Variants in PIK3C2A observed in about 807,000 individuals in gnomAD.
PIK3C2A encodes the protein phosphatidylinositol 4-phosphate 3-kinase C2 domain-containing subunit alpha.
A neutral mutation model predicts 204.5 loss-of-function variants in PIK3C2A; 97 were observed. That is an observed-to-expected ratio of 0.47 (90% CI 0.40 to 0.56). PIK3C2A has a LOEUF of 0.56. Among genes scored for constraint, PIK3C2A ranks in the 20% least tolerant of loss-of-function variants. The pLI is 0.00. For missense variants in PIK3C2A, 1,735 were observed against 1,969.2 expected, an observed-to-expected ratio of 0.88 and a Z score of 2.25; for synonymous variants, 653 against 664.4, an observed-to-expected ratio of 0.98 and a Z score of 0.26.
intron 27 of PIK3C2A, among the ~76,000 whole-genome samples, chr11:17,094,643 G>A (rs1848401861): frequency 6.6e-6 from 1 of 152,068 alleles, no homozygotes; most frequent in African/African-American, 2.4e-5. Flanking sequence ...CAAATCACTT[G>A]AACCTGGGAG....
At position 17,199,563 on chromosome 11, in the gene PIK3C2A, G is replaced by A. The variant is rs556213498; in HGVS notation, c.-66+8285C>T. ...CATGTATGAACCTTGAAAACATTAC[G>A]CTAAGTGACATAAGTCAGACACAAA... is the stretch of plus-strand genomic sequence containing the variant. On this transcript the variant is annotated intron_variant, in intron 1 of 32. Transcript: ENST00000691414. Among the ~76,000 whole-genome samples, 4 of 152,252 alleles carry A rather than the reference G, an allele frequency of 2.6e-5. No individual in the cohort carries two copies. In the South Asian group the frequency reaches 6.2e-4, roughly 24 times the overall value.
At chr11:17,105,400 T>C (rs1318838173) in intron 22 of PIK3C2A, 95 bp from the exon 23 acceptor site, 34 of 1,094,654 alleles carry the variant, frequency 3.1e-5, no homozygotes, top group Non-Finnish European at 4.1e-5. Context: ...AAATTTCACT[T>C]TAAGTTCTGG....
At chr11:17,110,145 G>A (rs1208240151) in intron 22 of PIK3C2A, among the ~76,000 whole-genome samples, 1 of 151,984 alleles carries the variant, frequency 6.6e-6, no homozygotes, top group East Asian at 1.9e-4. Context: ...TAGAAACAGG[G>A]TTTCACCATG....
intron 12 of PIK3C2A, among the ~76,000 whole-genome samples, chr11:17,130,573 G>C (rs564022195): frequency 1.2e-4 from 19 of 152,214 alleles, no homozygotes; most frequent in South Asian, 4.1e-4. Flanking sequence ...GGGAGGCCAA[G>C]GTGGGCGGAT....
At chr11:17,148,846 T>C in intron 4 of PIK3C2A, 59 bp from the exon 5 acceptor site, 1 of 1,389,924 alleles carries the variant, frequency 7.2e-7, no homozygotes, top group Non-Finnish European at 1.0e-6. Flanking sequence ...CAAGACTGTA[T>C]TACTTATAAT....
intron 2 of PIK3C2A, among the ~76,000 whole-genome samples, chr11:17,161,297 A>C (rs535963021): frequency 5.3e-4 from 80 of 152,350 alleles, no homozygotes; most frequent in African/African-American, 1.8e-3. Context: ...TTCCCAAAGA[A>C]ACTTATATTT....
chr11:17,173,145 C>A (rs540709904), intron 1 of PIK3C2A, among the ~76,000 whole-genome samples: 1 of 152,222 alleles, frequency 6.6e-6, no homozygotes, highest in East Asian at 1.9e-4. Flanking sequence ...GCTTTCTCTT[C>A]TTCACTTCTG....
chr11:17,100,254 G>T (rs374587095), intron 25 of PIK3C2A, among the ~76,000 whole-genome samples: 2 of 120,624 alleles, frequency 1.7e-5, no homozygotes, highest in East Asian at 2.9e-4. Context: ...GGGGGCGGGG[G>T]GGGGGGGCAG....
intron 2 of PIK3C2A, among the ~76,000 whole-genome samples, chr11:17,167,025 C>T (rs1019523193): frequency 9.9e-5 from 15 of 151,992 alleles, no homozygotes; most frequent in African/African-American, 3.6e-4. Flanking sequence ...GGCTGGAGTA[C>T]AGTGGTACAA....
intron 1 of PIK3C2A, 97 bp from the exon 2 acceptor site, chr11:17,169,903 TTAGAAAAA>T: frequency 3.5e-6 from 2 of 574,536 alleles, no homozygotes; most frequent in South Asian, 5.0e-5. Context: ...TTTAAGCCAC[TTAGAAAAA>T]TATACTACAA....
chr11:17,174,123 G>A (rs1565291592), intron 1 of PIK3C2A, among the ~76,000 whole-genome samples: 3 of 152,012 alleles, frequency 2.0e-5, no homozygotes, highest in Admixed American at 1.3e-4. Flanking sequence ...ACCTCACCTG[G>A]CTGAACATGT....
chr11:17,136,397 A>C, intron 9 of PIK3C2A, 85 bp downstream of exon 9: 1 of 1,000,494 alleles, frequency 1.0e-6, no homozygotes, highest in Non-Finnish European at 1.5e-6. Context: ...TTAAAATGAC[A>C]ATATTTTGTC....
chr11:17,113,730 C>A (rs1250964785), intron 20 of PIK3C2A, among the ~76,000 whole-genome samples: 2 of 145,216 alleles, frequency 1.4e-5, no homozygotes, highest in African/African-American at 5.2e-5. Context: ...CGCAATGAGC[C>A]GAGATTGCAC....
intron 2 of PIK3C2A, among the ~76,000 whole-genome samples, chr11:17,167,311 CA>C (rs1003384598): frequency 7.9e-5 from 12 of 152,024 alleles, no homozygotes; most frequent in Non-Finnish European, 1.5e-5. Context: ...TCCAGACATC[CA>C]AAATGTTTTT....
At chr11:17,120,031 A>C in intron 15 of PIK3C2A, 57 bp from the exon 16 acceptor site, 111 of 678,712 alleles carry the variant, frequency 1.6e-4, no homozygotes, top group Middle Eastern at 6.5e-4. Flanking sequence ...ATATAATCTC[A>C]ATGATTAAAA....
chr11:17,198,958 A>T (rs1405458536), intron 1 of PIK3C2A, among the ~76,000 whole-genome samples: 1 of 152,112 alleles, frequency 6.6e-6, no homozygotes, highest in Non-Finnish European at 1.5e-5. Flanking sequence ...GTCTCTACCA[A>T]AAATACAAAA....
intron 12 of PIK3C2A, among the ~76,000 whole-genome samples, chr11:17,129,836 C>T (rs1849640299): frequency 6.6e-6 from 1 of 152,204 alleles, no homozygotes; most frequent in Admixed American, 6.5e-5. Context: ...AGGTGATCCA[C>T]TCAGCCTCCC....
chr11:17,133,270 T>C (rs1162101851), intron 11 of PIK3C2A, among the ~76,000 whole-genome samples: 1 of 152,108 alleles, frequency 6.6e-6, no homozygotes, highest in Non-Finnish European at 1.5e-5. Context: ...CAAACGTGTG[T>C]GTGTGTGTGT....
chr11:17,092,676 A>G (rs1261752308), intron 28 of PIK3C2A, among the ~76,000 whole-genome samples: 4 of 152,326 alleles, frequency 2.6e-5, no homozygotes, highest in East Asian at 3.9e-4. Flanking sequence ...TCAAAATAAA[A>G]TAAGTAATTT....
Sources: allele counts gnomAD v4.1 joint callset (sites outside exome capture counted in the v4.1 genomes callset), GRCh38; gene constraint gnomAD v4.1.1; transcripts MANE v1.5; gene names NCBI Gene and HGNC (gene_info 2026-07-23, HGNC 2026-07-21).